SPHKAP: variants seen among roughly 807,000 people sequenced by gnomAD.
The protein encoded by SPHKAP is SPHK1 interactor, AKAP domain containing.
A neutral mutation model predicts 137.5 loss-of-function variants in SPHKAP; 67 were observed. That is an observed-to-expected ratio of 0.49 (90% CI 0.40 to 0.60). The LOEUF (loss-of-function observed/expected upper bound fraction) is 0.60, where lower values mean the gene tolerates loss of function less well. Ranked by LOEUF, SPHKAP falls within the 20% of genes least tolerant of loss-of-function variation. The probability of loss-of-function intolerance (pLI) is 0.00; values close to 1 mark genes in which losing one functional copy is unlikely to be tolerated. For synonymous variants in SPHKAP, 813 were observed against 785.3 expected, an observed-to-expected ratio of 1.04 and a Z score of -0.59; for missense variants, 2,097 against 2,069.3, an observed-to-expected ratio of 1.01 and a Z score of -0.26.
chr2:228,156,487 G>A (rs34761162), intron 1 of SPHKAP, among the ~76,000 whole-genome samples: 19,675 of 152,200 alleles, frequency 0.13, 1,598 homozygotes, highest in East Asian at 0.18. Context: ...TCTTTCTAAT[G>A]ATTTGTTAAC....
chr2:228,005,821 C>G (rs966992235), intron 7 of SPHKAP, among the ~76,000 whole-genome samples: 3 of 152,146 alleles, frequency 2.0e-5, no homozygotes, highest in African/African-American at 7.2e-5. Flanking sequence ...CTTAGTTTGG[C>G]TGGATATGAA....
chr2:227,994,469 T>C (rs1355738431), intron 8 of SPHKAP, among the ~76,000 whole-genome samples: 2 of 152,200 alleles, frequency 1.3e-5, no homozygotes, highest in African/African-American at 4.8e-5. Flanking sequence ...GATGTCTCTT[T>C]CAAGCAAGTC....
Position 228,011,245 on chromosome 2 carries a change from T to A in SPHKAP, c.4448+5161A>T, listed in dbSNP as rs111443706. 1.2e-3 allele frequency among the ~76,000 whole-genome samples: 161 copies of A among 130,658 alleles called. 2 individuals carry two copies. The highest frequency in any genetic ancestry group is 4.0e-3 in the African/African-American group (140 of 34,824). 85.7% of individuals were successfully genotyped at this position (130,658 alleles called of 152,430 possible). ...CAAAGATGCCTTTTTTTTTTTTTTT[T>A]AATCAGTTCACTCTTCTGGTGGGTG... On this transcript the variant is annotated intron_variant, in intron 7 of 11. Transcript: ENST00000392056.
intron 3 of SPHKAP, among the ~76,000 whole-genome samples, chr2:228,061,874 T>G (rs60731178): frequency 0.018 from 2,807 of 152,220 alleles, 86 homozygotes; most frequent in African/African-American, 0.062. Flanking sequence ...CTCTTCTAGC[T>G]ACTGAATCCA....
chr2:228,110,761 C>G (rs557279669), intron 2 of SPHKAP, among the ~76,000 whole-genome samples: 1 of 152,310 alleles, frequency 6.6e-6, no homozygotes, highest in South Asian at 2.1e-4. Context: ...TCAAGTCAGA[C>G]ATTAAGGAGA....
In SPHKAP at chr2:227,980,330, A is replaced by G. The variant is rs762861540; in HGVS notation, c.*1387T>C. ...TGGCTTACAAGGGAGCTTTCTTTGC[A>G]TTTCAAAATGTGGATGATAGAGAAG... On this transcript the variant is annotated 3_prime_UTR_variant, in exon 12 of 12. Transcript: ENST00000392056. 6.6e-6 allele frequency: 1 copy of G among 152,206 alleles called. No homozygotes were observed. The highest frequency in any genetic ancestry group is 1.5e-5 in the Non-Finnish European group (1 of 68,030). The allele number at this position is 152,206 out of a possible 1,614,324, so 9.4% of individuals were successfully genotyped here.
intron 1 of SPHKAP, among the ~76,000 whole-genome samples, chr2:228,163,864 C>T (rs1027696405): frequency 6.6e-6 from 1 of 152,136 alleles, no homozygotes; most frequent in Non-Finnish European, 1.5e-5. Flanking sequence ...AATATTAGCT[C>T]TCCCCAGGAA....
At chr2:228,078,893 T>C (rs1697269016) in intron 3 of SPHKAP, among the ~76,000 whole-genome samples, 1 of 152,144 alleles carries the variant, frequency 6.6e-6, no homozygotes, top group East Asian at 1.9e-4. Flanking sequence ...CCCCAGACTC[T>C]AGGCCAGTAC....
chr2:228,050,058 A>T lies in SPHKAP; in HGVS notation c.247-22515T>A, dbSNP rs77108266. ...ATGAACAGACACTTCTTAAAAAAAC[A>T]CGTACAAGTGGCCCACAAACATATG... is the stretch of plus-strand genomic sequence containing the variant. On this transcript the variant is annotated intron_variant, in intron 3 of 11. Coordinates refer to ENST00000392056, the MANE Select transcript of SPHKAP (RefSeq NM_001142644.2). Among the ~76,000 whole-genome samples the T allele has an allele frequency of 9.6e-3, 1,455 of 152,306 alleles. 17 individuals are homozygous for T. The highest frequency in any genetic ancestry group is 0.032 in the African/African-American group (1,342 of 41,574).
intron 3 of SPHKAP, among the ~76,000 whole-genome samples, chr2:228,029,741 C>T (rs1344693542): frequency 6.6e-6 from 1 of 152,100 alleles, no homozygotes; most frequent in Non-Finnish European, 1.5e-5. Context: ...TGAAACTTTG[C>T]CCTTGGAAAA....
At chr2:228,042,617 G>A (rs1695894767) in intron 3 of SPHKAP, among the ~76,000 whole-genome samples, 1 of 152,020 alleles carries the variant, frequency 6.6e-6, no homozygotes, top group South Asian at 2.1e-4. Flanking sequence ...GTTTTTTGGT[G>A]ACTGAGATAG....
intron 2 of SPHKAP, among the ~76,000 whole-genome samples, chr2:228,119,928 C>A (rs67890737): frequency 0.34 from 52,370 of 152,020 alleles, 9,300 homozygotes; most frequent in East Asian, 0.5. Context: ...ATGACATATT[C>A]TGTAATTCTA....
intron 2 of SPHKAP, among the ~76,000 whole-genome samples, chr2:228,116,552 T>A (rs1698715446): frequency 6.6e-6 from 1 of 152,280 alleles, no homozygotes; most frequent in African/African-American, 2.4e-5. Flanking sequence ...GTTATATAAT[T>A]CTCTCATAAG....
At position 228,006,588 on chromosome 2, in the gene SPHKAP, T is replaced by C. The variant is rs187592737; in HGVS notation, c.4448+9818A>G. 9.4e-3 allele frequency among the ~76,000 whole-genome samples: 1,429 copies of C among 152,276 alleles called. 30 individuals are homozygous for C. Among genetic ancestry groups the C allele is most frequent in the African/African-American group, 0.033 (1,361 of 41,556 alleles). On this transcript the variant is annotated intron_variant, in intron 7 of 11. Coordinates refer to ENST00000392056, the MANE Select transcript of SPHKAP (RefSeq NM_001142644.2). ...CTTTGTTCTGTTGCTGGTGAGGAGG[T>C]GCGTTCCTTTGGAGGAGGAGAGGCG...
At chr2:228,075,621 A>T (rs1441055748) in intron 3 of SPHKAP, among the ~76,000 whole-genome samples, 1 of 152,136 alleles carries the variant, frequency 6.6e-6, no homozygotes, top group African/African-American at 2.4e-5. Flanking sequence ...TTATGTAGGA[A>T]CCAGTATCAT....
intron 1 of SPHKAP, among the ~76,000 whole-genome samples, chr2:228,148,556 T>C (rs909935584): frequency 1.3e-5 from 2 of 152,090 alleles, no homozygotes; most frequent in Non-Finnish European, 2.9e-5. Context: ...ACCTGAGACC[T>C]GGGATCCCAG....
intron 5 of SPHKAP, among the ~76,000 whole-genome samples, chr2:228,024,334 C>T (rs1467285230): frequency 7.6e-6 from 1 of 131,880 alleles, no homozygotes; most frequent in Non-Finnish European, 1.6e-5. Context: ...TTCTATAATG[C>T]AGAGGCAGTT....
chr2:228,154,512 C>CTATATA (rs1559203928), intron 1 of SPHKAP, among the ~76,000 whole-genome samples: 323 of 22,032 alleles, frequency 0.015, 8 homozygotes, highest in East Asian at 0.06. Context: ...CTCTCTCTCT[C>CTATATA]TATATATATA....
chr2:228,114,616 C>A (rs1035952544), intron 2 of SPHKAP, among the ~76,000 whole-genome samples: 1 of 152,080 alleles, frequency 6.6e-6, no homozygotes, highest in Non-Finnish European at 1.5e-5. Flanking sequence ...AAAGGGCTAG[C>A]CTCAACAGAG....
Sources: gnomAD v4.1 joint callset for allele counts (sites outside exome capture counted in the v4.1 genomes callset) on GRCh38, gnomAD v4.1.1 for gene constraint, MANE v1.5 for transcripts, NCBI Gene and HGNC (gene_info 2026-07-23, HGNC 2026-07-21) for gene names.